Variants in RHPN2 observed in about 807,000 individuals in gnomAD.
The protein encoded by RHPN2 is rhophilin Rho GTPase binding protein 2.
A neutral mutation model predicts 79.0 loss-of-function variants in RHPN2; 40 were observed. The ratio of observed to expected loss-of-function variants is 0.51; its 90% confidence interval spans 0.39 to 0.66. The LOEUF is 0.66. Among genes scored for constraint, RHPN2 ranks in the 30% least tolerant of loss-of-function variants. The pLI, the probability that RHPN2 is intolerant of heterozygous loss-of-function variation, is 0.00. For missense variants in RHPN2, 686 were observed against 883.5 expected (o/e 0.78, Z 2.83); for synonymous variants, 285 against 363.5 (o/e 0.78, Z 2.46).
Position 32,996,044 on chromosome 19 carries a change from C to G in RHPN2, c.1402G>C (p.Asp468His), listed in dbSNP as rs148084786. 1.9e-6 allele frequency: 3 copies of G among 1,613,968 alleles called. No homozygotes were observed. In the African/African-American group the frequency reaches 4.0e-5, roughly 22 times the overall value. ...QEEDDLLNLI[D>H]APSVVAKTEQ... ...TACTCACCAACAACACTGGGGGCGTCGATCAGGTTCAGCAGGTCATCCTCC... is the reference window on the plus strand; with the variant it reads ...TACTCACCAACAACACTGGGGGCGTGGATCAGGTTCAGCAGGTCATCCTCC... Residue 468 changes from aspartate (D) to histidine (H), a missense_variant, in exon 11 of 15, where the codon GAC becomes CAC. Coordinates refer to ENST00000254260, the MANE Select transcript of RHPN2 (RefSeq NM_033103.5).
chr19:33,043,535 G>C (rs1330230043), intron 2 of RHPN2, among the ~76,000 whole-genome samples: 1 of 152,220 alleles, frequency 6.6e-6, no homozygotes, highest in Non-Finnish European at 1.5e-5. Flanking sequence ...CTGGGCGACA[G>C]AGCAAGACTG....
At chr19:33,012,071 G>GCTGTCACC (rs1409824691) in intron 5 of RHPN2, among the ~76,000 whole-genome samples, 1 of 128,610 alleles carries the variant, frequency 7.8e-6, no homozygotes, top group East Asian at 2.2e-4. Context: ...ACAGAGTCTT[G>GCTGTCACC]CTGTCACCCA....
intron 4 of RHPN2, among the ~76,000 whole-genome samples, chr19:33,016,085 G>T (rs552882673): frequency 6.6e-5 from 10 of 151,852 alleles, no homozygotes; most frequent in African/African-American, 2.4e-4. Flanking sequence ...ACCTAACAGA[G>T]AAATAATACC....
At chr19:33,004,244 T>G (rs1971773388) in intron 7 of RHPN2, among the ~76,000 whole-genome samples, 1 of 152,130 alleles carries the variant, frequency 6.6e-6, no homozygotes. Flanking sequence ...TGTCCCTATG[T>G]TGCTCAGACT....
chr19:33,016,490 G>A (rs1971878656), intron 4 of RHPN2, among the ~76,000 whole-genome samples: 1 of 152,148 alleles, frequency 6.6e-6, no homozygotes, highest in Non-Finnish European at 1.5e-5. Context: ...AGAACAGCCT[G>A]GACAACATGG....
intron 2 of RHPN2, among the ~76,000 whole-genome samples, chr19:33,042,659 C>G (rs1331264882): frequency 4.6e-5 from 7 of 152,214 alleles, no homozygotes. Context: ...AGGCCAGGCA[C>G]AGTGGCTCAT....
At chr19:33,059,078 G>C (rs1005697352) in intron 1 of RHPN2, among the ~76,000 whole-genome samples, 2 of 151,720 alleles carry the variant, frequency 1.3e-5, no homozygotes, top group African/African-American at 4.9e-5. Flanking sequence ...CTGGGGGACA[G>C]AGCAAGACTC....
chr19:33,052,001 A>AAG (rs1328917192), intron 1 of RHPN2, among the ~76,000 whole-genome samples: 3 of 151,940 alleles, frequency 2.0e-5, no homozygotes, highest in African/African-American at 7.3e-5. Flanking sequence ...AAAAAAAAAA[A>AAG]AAAAAAAAGA....
intron 9 of RHPN2, 120 bp downstream of exon 9, chr19:33,002,127 C>T: frequency 7.9e-7 from 1 of 1,272,946 alleles, no homozygotes; most frequent in Non-Finnish European, 1.1e-6. Flanking sequence ...CACTCCCATC[C>T]TCTGCCTTCA....
In RHPN2 at chr19:32,980,688, CTT is replaced by C. The variant is rs748082223; in HGVS notation, c.1801-434_1801-433del. Among the ~76,000 whole-genome samples, 17 of 152,186 alleles carry C rather than the reference CTT, an allele frequency of 1.1e-4. No homozygotes were observed. In the East Asian group the frequency reaches 3.1e-3, roughly 28 times the overall value. ...ATTAGGTTCTTAAAACAAGGACAAA[CTT>C]TTTTTCTTTTTTGAGACAGGGTCTT... is the stretch of plus-strand genomic sequence containing the variant. On this transcript the variant is annotated intron_variant, in intron 14 of 14. Coordinates refer to ENST00000254260, the MANE Select transcript of RHPN2 (RefSeq NM_033103.5).
intron 7 of RHPN2, 147 bp downstream of exon 7, chr19:33,007,867 C>G (rs1971804844): frequency 3.4e-6 from 3 of 893,664 alleles, no homozygotes; most frequent in South Asian, 3.4e-5. Context: ...CCGGCCGGAG[C>G]AAGTTTCTTA....
intron 3 of RHPN2, among the ~76,000 whole-genome samples, chr19:33,025,955 C>T (rs1971962193): frequency 6.6e-6 from 1 of 151,396 alleles, no homozygotes. Context: ...CGTATATTTA[C>T]ACTAGATTTT....
chr19:33,052,463 T>C (rs1190985343), intron 1 of RHPN2, among the ~76,000 whole-genome samples: 2 of 152,330 alleles, frequency 1.3e-5, no homozygotes, highest in East Asian at 1.9e-4. Flanking sequence ...AGGCAGGTGT[T>C]TTTAGCTGCT....
chr19:33,006,678 G>A (rs1251368030), intron 7 of RHPN2, among the ~76,000 whole-genome samples: 1 of 152,170 alleles, frequency 6.6e-6, no homozygotes, highest in African/African-American at 2.4e-5. Flanking sequence ...CCCTGCTATG[G>A]GGGAGCAAGG....
chr19:32,981,510 GAA>G (rs201890754), intron 14 of RHPN2, among the ~76,000 whole-genome samples: 152 of 131,128 alleles, frequency 1.2e-3, no homozygotes, highest in African/African-American at 3.8e-3. Context: ...CAAGGGAAGG[GAA>G]AAAAAAAAAA....
At chr19:33,060,013 G>A (rs983744318) in intron 1 of RHPN2, among the ~76,000 whole-genome samples, 5 of 152,200 alleles carry the variant, frequency 3.3e-5, no homozygotes, top group African/African-American at 1.2e-4. Flanking sequence ...TGGCTGCTGG[G>A]CCCATGGAGT....
At chr19:33,047,015 G>A (rs764474255) in intron 1 of RHPN2, among the ~76,000 whole-genome samples, 3 of 152,034 alleles carry the variant, frequency 2.0e-5, no homozygotes, top group African/African-American at 4.8e-5. Context: ...ATGCCACCAC[G>A]TCCGGCTAAT....
At chr19:33,020,324 G>A (rs1194788413) in intron 4 of RHPN2, among the ~76,000 whole-genome samples, 6 of 134,582 alleles carry the variant, frequency 4.5e-5, no homozygotes, top group African/African-American at 9.4e-5. Flanking sequence ...CATTACTTTC[G>A]TTCTCTTTTT....
chr19:33,014,307 CTTT>C (rs1453481141), intron 4 of RHPN2, among the ~76,000 whole-genome samples: 1 of 151,934 alleles, frequency 6.6e-6, no homozygotes, highest in East Asian at 1.9e-4. Flanking sequence ...GCTGTGCCTT[CTTT>C]TTCTTTTTTT....
Sources: gnomAD v4.1 joint callset for allele counts (sites outside exome capture counted in the v4.1 genomes callset) on GRCh38, gnomAD v4.1.1 for gene constraint, MANE v1.5 for transcripts, NCBI Gene and HGNC (gene_info 2026-07-23, HGNC 2026-07-21) for gene names.